CHRNB3: variants seen among roughly 807,000 people sequenced by gnomAD.
CHRNB3 encodes cholinergic receptor nicotinic beta 3 subunit, also known as neuronal acetylcholine receptor subunit beta-3.
A neutral mutation model predicts 40.6 loss-of-function variants in CHRNB3; 37 were observed. That is an observed-to-expected ratio of 0.91 (90% CI 0.70 to 1.20). The LOEUF is 1.20. Ranked by LOEUF, CHRNB3 falls within the 50% of genes most tolerant of loss-of-function variation. The probability of loss-of-function intolerance (pLI) is 0.00; values close to 1 mark genes in which losing one functional copy is unlikely to be tolerated. For missense variants in CHRNB3, 505 were observed against 551.2 expected (o/e 0.92, Z 0.84); for synonymous variants, 207 against 207.1 (o/e 1.00, Z 0.00).
chr8:42,703,435 A>AAAAAAATATATATATATATATATAT lies in CHRNB3; in HGVS notation c.53-5281_53-5280insAAAAATATATATATATATATATATA. On this transcript the variant is annotated intron_variant, in intron 1 of 5. Coordinates refer to ENST00000289957, the MANE Select transcript of CHRNB3 (RefSeq NM_000749.5). ...CAAGACTTCGTCTAAAAAAAAAAAAAATATTTATATATATATATATATATA... is the reference window on the plus strand; with the variant it reads ...CAAGACTTCGTCTAAAAAAAAAAAAAAAAAAATATATATATATATATATATATATTTATATATATATATATATATA... Among the ~76,000 whole-genome samples, 446 of 47,172 alleles carry AAAAAAATATATATATATATATATAT rather than the reference A, an allele frequency of 9.5e-3. 58 individuals carry two copies. Among genetic ancestry groups the AAAAAAATATATATATATATATATAT allele is most frequent in the Non-Finnish European group, 0.013 (283 of 21,386 alleles). The allele number at this position is 47,172 out of a possible 152,430, so 30.9% of individuals were successfully genotyped here. A position where few individuals can be genotyped will look rare whatever the true frequency, so the allele number is the denominator to read the frequency against.
chr8:42,728,974 G>A (rs1212876632), intron 3 of CHRNB3, among the ~76,000 whole-genome samples: 1 of 151,958 alleles, frequency 6.6e-6, no homozygotes, highest in Non-Finnish European at 1.5e-5. Context: ...ATTATTCCTA[G>A]GAAGGAGATT....
At chr8:42,718,897 C>T (rs1473623677) in intron 3 of CHRNB3, among the ~76,000 whole-genome samples, 1 of 151,816 alleles carries the variant, frequency 6.6e-6, no homozygotes, top group South Asian at 2.1e-4. Context: ...AATGAGGAAG[C>T]CTAGAGTTGG....
At chr8:42,733,516 A>G (rs1480503882) in intron 5 of CHRNB3, among the ~76,000 whole-genome samples, 1 of 151,966 alleles carries the variant, frequency 6.6e-6, no homozygotes, top group African/African-American at 2.4e-5. Flanking sequence ...CCCAGCACAC[A>G]GGGGCTCAGC....
At position 42,731,962 on chromosome 8, in the gene CHRNB3, T is replaced by C. The variant is rs577432391; in HGVS notation, c.655T>C (p.Ser219Pro). ...MKGNRRDGVY[S>P]YPFITYSFVL... Reference sequence around the variant, plus strand: ...GGGGAACAGAAGGGACGGCGTGTACTCCTATCCCTTTATCACGTATTCCTT... The same window carrying C: ...GGGGAACAGAAGGGACGGCGTGTACCCCTATCCCTTTATCACGTATTCCTT... Residue 219 changes from serine to proline, a missense_variant, in exon 5 of 6, where the codon TCC becomes CCC. By Grantham distance (74) the Ser-to-Pro change is moderately conservative. Coordinates refer to ENST00000289957, the MANE Select transcript of CHRNB3 (RefSeq NM_000749.5). The C allele has an allele frequency of 2.3e-5, 37 of 1,614,082 alleles. 2 individuals are homozygous for C. The Admixed American group carries it at 5.2e-4, about 23-fold the overall frequency.
rs1320750075 is a variant in CHRNB3, at chr8:42,697,610, TCA to T, written c.52+15_52+16del. On this transcript the variant is annotated intron_variant, in intron 1 of 5. Transcript: ENST00000289957. Reference sequence around the variant, plus strand: ...CATCCCTTCCTCAGGTAAGCACAAGTCACAGTAAATTAAAACTACAGTTGCAG... The same window carrying T: ...CATCCCTTCCTCAGGTAAGCACAAGTCAGTAAATTAAAACTACAGTTGCAG... 1 of 1,606,970 alleles carries T rather than the reference TCA, an allele frequency of 6.2e-7. No individual in the cohort carries two copies. The highest frequency in any genetic ancestry group is 8.5e-7 in the Non-Finnish European group (1 of 1,173,624).
intron 1 of CHRNB3, among the ~76,000 whole-genome samples, chr8:42,707,743 A>C (rs1028204286): frequency 6.6e-6 from 1 of 152,156 alleles, no homozygotes; most frequent in Non-Finnish European, 1.5e-5. Flanking sequence ...GCTGCTGACC[A>C]AGGAAGGACT....
In CHRNB3 at chr8:42,736,744, TCTC is replaced by T; in HGVS notation, c.*130_*132del. The T allele has an allele frequency of 1.8e-6, 2 of 1,142,356 alleles. No individual in the cohort carries two copies. The highest frequency in any genetic ancestry group is 2.5e-6 in the Non-Finnish European group (2 of 784,966). 70.8% of individuals were successfully genotyped at this position (1,142,356 alleles called of 1,614,324 possible). ...GCGTTGTCTTTGTGGAAATGGAACA[TCTC>T]CTCATGGGAGAAACTCTGGTAAATG... On this transcript the variant is annotated 3_prime_UTR_variant, in exon 6 of 6. Transcript: ENST00000289957.
intron 3 of CHRNB3, among the ~76,000 whole-genome samples, chr8:42,716,238 G>A (rs62516751): frequency 0.057 from 8,697 of 152,188 alleles, 332 homozygotes; most frequent in Middle Eastern, 0.11. Flanking sequence ...TGGCCTCCCA[G>A]AGTGCTGGGA....
chr8:42,735,737 T>TTTCTTGTCTCCTTCATGAA (rs1343611864), intron 5 of CHRNB3, among the ~76,000 whole-genome samples: 3 of 152,094 alleles, frequency 2.0e-5, no homozygotes, highest in Non-Finnish European at 4.4e-5. Flanking sequence ...GGGGACTCAG[T>TTTCTTGTCTCCTTCATGAA]TTCTTGTCTC....
At chr8:42,716,188 G>A (rs62516750) in intron 3 of CHRNB3, among the ~76,000 whole-genome samples, 8,430 of 151,690 alleles carry the variant, frequency 0.056, 331 homozygotes, top group Middle Eastern at 0.11. Context: ...TGTTGGCCAG[G>A]CTGGCCTCGA....
intron 2 of CHRNB3, among the ~76,000 whole-genome samples, chr8:42,709,136 C>T (rs550550542): frequency 6.6e-6 from 1 of 152,056 alleles, no homozygotes; most frequent in South Asian, 2.1e-4. Context: ...CTCCTGGCCC[C>T]GGTTTGCTGA....
At chr8:42,706,069 G>A (rs1052259821) in intron 1 of CHRNB3, 1 of 152,236 alleles carries the variant, frequency 6.6e-6, no homozygotes, top group Non-Finnish European at 1.5e-5. Context: ...AGTACCCTAA[G>A]AGGATAGAGA....
intron 3 of CHRNB3, among the ~76,000 whole-genome samples, chr8:42,729,716 C>T (rs765879097): frequency 2.0e-5 from 3 of 152,168 alleles, no homozygotes; most frequent in East Asian, 3.9e-4. Flanking sequence ...TCTGAACTCC[C>T]GCATCCTTAC....
At chr8:42,718,305 C>T (rs529329123) in intron 3 of CHRNB3, among the ~76,000 whole-genome samples, 49 of 152,222 alleles carry the variant, frequency 3.2e-4, no homozygotes, top group Middle Eastern at 3.4e-3. Context: ...GTCCCAGAGA[C>T]TGCAAATCAA....
intron 1 of CHRNB3, among the ~76,000 whole-genome samples, chr8:42,708,252 G>A (rs1230550491): frequency 7.9e-5 from 12 of 152,102 alleles, no homozygotes; most frequent in Admixed American, 7.9e-4. Context: ...AGACCACGAG[G>A]TCAGGAGATC....
intron 1 of CHRNB3, among the ~76,000 whole-genome samples, chr8:42,703,675 G>A (rs1272430001): frequency 7.2e-5 from 11 of 151,760 alleles, no homozygotes; most frequent in African/African-American, 2.4e-4. Context: ...TTACATCTTC[G>A]GGAGCAGTGA....
chr8:42,715,197 C>T (rs937103405), intron 3 of CHRNB3, among the ~76,000 whole-genome samples: 1 of 152,076 alleles, frequency 6.6e-6, no homozygotes, highest in Non-Finnish European at 1.5e-5. Context: ...AAAGAAAGTA[C>T]ATATAAACCA....
chr8:42,710,496 C>A, intron 3 of CHRNB3, 62 bp downstream of exon 3: 2 of 1,301,524 alleles, frequency 1.5e-6, no homozygotes, highest in Middle Eastern at 1.9e-4. Context: ...TTTATAAAGG[C>A]TCCTATCTGA....
At chr8:42,709,980 T>G (rs746995721) in intron 2 of CHRNB3, among the ~76,000 whole-genome samples, 1 of 152,186 alleles carries the variant, frequency 6.6e-6, no homozygotes. Context: ...TTTATGTAAA[T>G]ATAGCCACAA....
Sources: gnomAD v4.1 joint callset for allele counts (sites outside exome capture counted in the v4.1 genomes callset) on GRCh38, gnomAD v4.1.1 for gene constraint, MANE v1.5 for transcripts, NCBI Gene and HGNC (gene_info 2026-07-23, HGNC 2026-07-21) for gene names.